NPAS3: variants seen among roughly 807,000 people sequenced by gnomAD.
NPAS3 encodes the protein neuronal PAS domain-containing protein 3.
Under a neutral mutation model 73.1 loss-of-function variants are expected in NPAS3, and 14 were observed. The ratio of observed to expected loss-of-function variants is 0.19; its 90% CI spans 0.13 to 0.30. The LOEUF is 0.30. NPAS3 is among the 10% of genes least tolerant of loss of function. The pLI is 1.00. For synonymous variants in NPAS3, 620 were observed against 541.5 expected, an observed-to-expected ratio of 1.14 and a Z score of -2.01; for missense variants, 1,096 against 1,250.0, an observed-to-expected ratio of 0.88 and a Z score of 1.86.
intron 2 of NPAS3, among the ~76,000 whole-genome samples, chr14:33,070,987 A>AT (rs34744273): frequency 6.6e-6 from 1 of 152,118 alleles, no homozygotes; most frequent in Non-Finnish European, 1.5e-5. Flanking sequence ...TTGAGGATAA[A>AT]TTTTTGCTCT....
rs542919205 is a variant in NPAS3, at chr14:33,300,780, G to A, written c.386-66406G>A. 9.2e-5 allele frequency among the ~76,000 whole-genome samples: 14 copies of A among 152,210 alleles called. No individual in the cohort carries two copies. The South Asian group carries it at 2.1e-3, about 23-fold the overall frequency. On this transcript the variant is annotated intron_variant, in intron 3 of 11. Transcript: ENST00000356141. ...ACCTCCCAGGATCCCCCATGGAGGG[G>A]AGCATGGCTACTAGACATCTGTTAG... is the stretch of plus-strand genomic sequence containing the variant.
At chr14:33,088,345 T>G (rs559746706) in intron 2 of NPAS3, among the ~76,000 whole-genome samples, 1 of 152,112 alleles carries the variant, frequency 6.6e-6, no homozygotes, top group Non-Finnish European at 1.5e-5. Flanking sequence ...ACCATAATAC[T>G]GCGCTTTTCC....
chr14:33,038,590 G>A (rs2040248823), intron 1 of NPAS3, among the ~76,000 whole-genome samples: 1 of 151,998 alleles, frequency 6.6e-6, no homozygotes, highest in Non-Finnish European at 1.5e-5. Context: ...GCTTTTTAAA[G>A]GGATGTCATT....
chr14:33,794,785 C>G (rs1357134503), intron 10 of NPAS3, among the ~76,000 whole-genome samples: 1 of 152,104 alleles, frequency 6.6e-6, no homozygotes, highest in African/African-American at 2.4e-5. Flanking sequence ...TGGATTCAAA[C>G]TAGCAGAAAA....
intron 5 of NPAS3, among the ~76,000 whole-genome samples, chr14:33,577,884 GA>G (rs1347816986): frequency 6.6e-6 from 1 of 152,202 alleles, no homozygotes; most frequent in Non-Finnish European, 1.5e-5. Context: ...CAGGTGCACT[GA>G]CCTGTATAAG....
chr14:33,569,851 G>T (rs1462041731), intron 5 of NPAS3, among the ~76,000 whole-genome samples: 1 of 152,126 alleles, frequency 6.6e-6, no homozygotes, highest in Non-Finnish European at 1.5e-5. Flanking sequence ...CTTATAAACA[G>T]GGGAGACGCA....
chr14:33,146,372 C>T (rs188981542), intron 2 of NPAS3, among the ~76,000 whole-genome samples: 7 of 152,298 alleles, frequency 4.6e-5, no homozygotes, highest in Admixed American at 4.6e-4. Context: ...GTGTCATACT[C>T]TGTACAAATC....
intron 5 of NPAS3, among the ~76,000 whole-genome samples, chr14:33,596,080 T>C (rs1451947522): frequency 6.6e-6 from 1 of 152,224 alleles, no homozygotes; most frequent in East Asian, 1.9e-4. Flanking sequence ...TTACTTTTGG[T>C]AAACAAGGAA....
chr14:33,307,095 A>G (rs1353494796), intron 3 of NPAS3, among the ~76,000 whole-genome samples: 1 of 152,142 alleles, frequency 6.6e-6, no homozygotes, highest in Non-Finnish European at 1.5e-5. Flanking sequence ...TTGGTGGCTT[A>G]ATGTGCCTGG....
intron 3 of NPAS3, among the ~76,000 whole-genome samples, chr14:33,363,035 A>C (rs770075867): frequency 1.2e-4 from 18 of 151,986 alleles, no homozygotes; most frequent in Non-Finnish European, 2.1e-4. Context: ...GCACAAGGCA[A>C]GTAGGGCTCG....
intron 3 of NPAS3, among the ~76,000 whole-genome samples, chr14:33,272,699 G>A (rs1250935617): frequency 6.6e-6 from 1 of 152,100 alleles, no homozygotes; most frequent in Non-Finnish European, 1.5e-5. Flanking sequence ...TTACAGATGT[G>A]AGCCACCATT....
chr14:33,789,471 T>TG (rs2063281924), intron 9 of NPAS3, among the ~76,000 whole-genome samples: 2 of 152,092 alleles, frequency 1.3e-5, no homozygotes, highest in African/African-American at 4.8e-5. Context: ...TAAGCTAACC[T>TG]ATGCAAGTGT....
rs371230319 is a variant in NPAS3 at position 33,365,201 on chromosome 14, C to CAAAAAAAAAAAAAAA, written c.386-1978_386-1964dup. Among the ~76,000 whole-genome samples, 41 of 45,072 alleles carry CAAAAAAAAAAAAAAA rather than the reference C, an allele frequency of 9.1e-4. 7 individuals are homozygous for CAAAAAAAAAAAAAAA. The highest frequency in any genetic ancestry group is 4.1e-3 in the African/African-American group (38 of 9,330). 29.6% of individuals were successfully genotyped at this position (45,072 alleles called of 152,430 possible). A position where few individuals can be genotyped will look rare whatever the true frequency, so the allele number is the denominator to read the frequency against. The stretch of plus-strand genomic sequence containing the variant: ...CAAAAGCCACCCACCCCCATAATCT[C>CAAAAAAAAAAAAAAA]AAAAAAAAAAAAAAAAAAAAAGGCT... On this transcript the variant is annotated intron_variant, in intron 3 of 11. Transcript: ENST00000356141.
At chr14:33,080,182 A>G (rs2138715530) in intron 2 of NPAS3, among the ~76,000 whole-genome samples, 2 of 152,082 alleles carry the variant, frequency 1.3e-5, no homozygotes, top group South Asian at 4.2e-4. Context: ...ATCTCAGCTC[A>G]CTGCAATCTC....
chr14:33,153,805 T>A (rs534516393), intron 2 of NPAS3, among the ~76,000 whole-genome samples: 3 of 152,272 alleles, frequency 2.0e-5, no homozygotes, highest in African/African-American at 7.2e-5. Context: ...CTGTGGTGTT[T>A]TGGACTCTTT....
At chr14:33,288,247 A>C (rs1191275986) in intron 3 of NPAS3, among the ~76,000 whole-genome samples, 1 of 151,986 alleles carries the variant, frequency 6.6e-6, no homozygotes, top group East Asian at 1.9e-4. Flanking sequence ...AACACTCTAC[A>C]TTGTCTTCTC....
intron 2 of NPAS3, among the ~76,000 whole-genome samples, chr14:33,145,394 G>A (rs1160729973): frequency 2.0e-5 from 3 of 152,168 alleles, no homozygotes; most frequent in Non-Finnish European, 4.4e-5. Context: ...ATCATGATAT[G>A]CTCCTTTGAT....
intron 5 of NPAS3, among the ~76,000 whole-genome samples, chr14:33,593,796 G>A (rs1055122524): frequency 2.0e-5 from 3 of 152,248 alleles, no homozygotes; most frequent in Non-Finnish European, 4.4e-5. Flanking sequence ...ACTTAAAAGG[G>A]ACATTTGTCC....
At chr14:33,731,900 T>C (rs984155919) in intron 6 of NPAS3, among the ~76,000 whole-genome samples, 1 of 152,064 alleles carries the variant, frequency 6.6e-6, no homozygotes, top group Non-Finnish European at 1.5e-5. Context: ...GTTCTTTTTT[T>C]CAGCTCCTAG....
Sources: allele counts gnomAD v4.1 joint callset (sites outside exome capture counted in the v4.1 genomes callset), GRCh38; gene constraint gnomAD v4.1.1; transcripts MANE v1.5; gene names NCBI Gene and HGNC (gene_info 2026-07-23, HGNC 2026-07-21).